The following HDX variants were observed in gnomAD, a reference collection of about 807,000 sequenced individuals.
The protein encoded by HDX is chromosome X open reading frame 43.
In HDX, 19 loss-of-function variants were observed where a neutral mutation model predicts 45.2. The ratio of observed to expected loss-of-function variants is 0.42; its 90% CI spans 0.29 to 0.62. The LOEUF is 0.62. Among genes scored for constraint, HDX ranks in the 20% least tolerant of loss-of-function variants. The probability of loss-of-function intolerance (pLI) is 0.20; values close to 1 mark genes in which losing one functional copy is unlikely to be tolerated. For synonymous variants in HDX, 188 were observed against 172.8 expected, an observed-to-expected ratio of 1.09 and a Z score of -0.69; for missense variants, 532 against 493.9, an observed-to-expected ratio of 1.08 and a Z score of -0.73.
chrX:84,419,576 AC>A (rs2039199895), intron 5 of HDX, among the ~76,000 whole-genome samples: 1 of 111,343 alleles, frequency 9.0e-6, no homozygotes, highest in African/African-American at 3.3e-5. Context: ...GCATCTTGAG[AC>A]CCAGGAAACC....
intron 5 of HDX, among the ~76,000 whole-genome samples, chrX:84,370,507 T>C (rs1221017266): frequency 8.9e-6 from 1 of 112,256 alleles, no homozygotes; most frequent in African/African-American, 3.2e-5. Flanking sequence ...AATAGGGGTC[T>C]GGGCAAGAGT....
chrX:84,440,936 A>G (rs1365020889), intron 4 of HDX, among the ~76,000 whole-genome samples: 6 of 111,167 alleles, frequency 5.4e-5, no homozygotes, highest in African/African-American at 1.6e-4. Context: ...TACAAGAAGT[A>G]TAGAATAGAG....
rs760412800 is a variant in HDX at position 84,469,050 on chromosome X, C to T, written c.673G>A (p.Val225Ile). ...VCHRPCKIEP[V>I]GIQRSYKPEH... ...GGCTTATATGACCTTTGAATCCCAACTGGTTCAATTTTACAAGGTCGGTGG... is the reference window on the plus strand; with the variant it reads ...GGCTTATATGACCTTTGAATCCCAATTGGTTCAATTTTACAAGGTCGGTGG... Residue 225 changes from valine to isoleucine, a missense_variant, in exon 4 of 11, where the codon GTT becomes ATT. Coordinates refer to ENST00000373177, the MANE Select transcript of HDX (RefSeq NM_001177479.2). The T allele has an allele frequency of 6.8e-5, 82 of 1,210,010 alleles. 1 individual carries two copies. The South Asian group carries it at 1.3e-3, about 19-fold the overall frequency.
chrX:84,474,280 G>A (rs935969515), intron 3 of HDX, among the ~76,000 whole-genome samples: 3 of 111,235 alleles, frequency 2.7e-5, no homozygotes, highest in Non-Finnish European at 3.8e-5. Flanking sequence ...CGACAAGAGC[G>A]AAACTCCGTT....
intron 4 of HDX, among the ~76,000 whole-genome samples, chrX:84,457,222 C>T (rs1429949036): frequency 9.0e-6 from 1 of 111,342 alleles, no homozygotes; most frequent in Non-Finnish European, 1.9e-5. Context: ...ATGCCATTAA[C>T]ATTTAACTTC....
At chrX:84,403,823 T>C (rs1202522868) in intron 5 of HDX, 2 of 112,047 alleles carry the variant, frequency 1.8e-5, no homozygotes, top group African/African-American at 6.5e-5. Flanking sequence ...TATATTAACC[T>C]TTCATAGAAG....
intron 5 of HDX, among the ~76,000 whole-genome samples, chrX:84,437,633 T>C (rs903307053): frequency 9.0e-6 from 1 of 110,823 alleles, no homozygotes; most frequent in Admixed American, 9.7e-5. Context: ...GGAGCTGATC[T>C]AGACCAGGCA....
intron 3 of HDX, among the ~76,000 whole-genome samples, chrX:84,471,244 A>AATAG (rs200160920): frequency 0.45 from 43,849 of 97,125 alleles, 8,294 homozygotes; most frequent in Middle Eastern, 0.5. Context: ...GTGTTCTCTC[A>AATAG]ATAGATAGAT....
chrX:84,468,468 T>C lies in HDX; in HGVS notation c.1251+4A>G, dbSNP rs1394448253. The C allele has an allele frequency of 9.1e-7, 1 of 1,103,705 alleles. No homozygotes were observed. Among genetic ancestry groups the C allele is most frequent in the Admixed American group, 2.7e-5 (1 of 36,542 alleles). 91.0% of individuals were successfully genotyped at this position (1,103,705 alleles called of 1,213,427 possible). ...AACCTTTATAAAATAAATTTACACA[T>C]TACCTGGTAATTGTTTTGGTTTTGT... On this transcript the variant is annotated splice_donor_region_variant and intron_variant, in intron 4 of 10. Transcript: ENST00000373177.
chrX:84,464,991 C>G (rs2040316279), intron 4 of HDX, among the ~76,000 whole-genome samples: 2 of 111,374 alleles, frequency 1.8e-5, no homozygotes, highest in African/African-American at 6.5e-5. Context: ...AAAAAACAAC[C>G]CCATCAAAAA....
At chrX:84,424,226 A>C (rs1454498951) in intron 5 of HDX, among the ~76,000 whole-genome samples, 1 of 111,684 alleles carries the variant, frequency 9.0e-6, no homozygotes, top group Non-Finnish European at 1.9e-5. Flanking sequence ...ATGGACACAA[A>C]TACACTTAAA....
intron 5 of HDX, among the ~76,000 whole-genome samples, chrX:84,438,149 G>C (rs1346694641): frequency 9.0e-6 from 1 of 110,768 alleles, no homozygotes; most frequent in Non-Finnish European, 1.9e-5. Context: ...TGTTAAGTGG[G>C]GGACCAAGAC....
chrX:84,458,225 G>T (rs936656606), intron 4 of HDX, among the ~76,000 whole-genome samples: 21 of 109,698 alleles, frequency 1.9e-4, no homozygotes, highest in African/African-American at 6.9e-4. Context: ...GGTCTTAAAG[G>T]CTAGATTAAA....
rs188346373 is a variant in HDX at position 84,340,716 on chromosome X, G to C, written c.1660+3534C>G. On this transcript the variant is annotated intron_variant, in intron 7 of 10. Transcript: ENST00000373177. Reference sequence around the variant, plus strand: ...GTAGGAAACTGTACCAAAAAGGGCTGTTTTCAGTATTTGAAAATGATTTTA... The same window carrying C: ...GTAGGAAACTGTACCAAAAAGGGCTCTTTTCAGTATTTGAAAATGATTTTA... Among the ~76,000 whole-genome samples, 289 of 110,986 alleles carry C rather than the reference G, an allele frequency of 2.6e-3. 2 individuals are homozygous for C. Among genetic ancestry groups the C allele is most frequent in the African/African-American group, 9.1e-3 (279 of 30,650 alleles).
At position 84,442,884 on chromosome X, in the gene HDX, T is replaced by A. The variant is rs1302034039; in HGVS notation, c.1252-2299A>T. On this transcript the variant is annotated intron_variant, in intron 4 of 10. Coordinates refer to ENST00000373177, the MANE Select transcript of HDX (RefSeq NM_001177479.2). ...AACCAGTAACTGCTAAAATATTACA[T>A]ATGAAATGATAAAGATGATACAACA... Among the ~76,000 whole-genome samples the A allele has an allele frequency of 1.2e-4, 13 of 111,514 alleles. No homozygotes were observed. The Admixed American group carries it at 1.2e-3, about 11-fold the overall frequency.
At chrX:84,427,690 T>C (rs766271279) in intron 5 of HDX, among the ~76,000 whole-genome samples, 7 of 111,384 alleles carry the variant, frequency 6.3e-5, no homozygotes, top group African/African-American at 1.9e-4. Context: ...GCACAATTTG[T>C]TCATTTACCT....
At position 84,402,377 on chromosome X, in the gene HDX, C is replaced by A. The variant is rs139095909; in HGVS notation, c.1305+38155G>T. On this transcript the variant is annotated intron_variant, in intron 5 of 10. Transcript: ENST00000373177. ...GTGTTATGTATTAAATATTATAGTA[C>A]CATATAGAATAGTTTGACTATCATA... Among the ~76,000 whole-genome samples the A allele has an allele frequency of 2.8e-3, 313 of 111,528 alleles. 14 individuals are homozygous for A. In the East Asian group the frequency reaches 0.072, roughly 26 times the overall value.
intron 5 of HDX, among the ~76,000 whole-genome samples, chrX:84,387,559 T>C (rs1050513303): frequency 4.5e-5 from 5 of 112,234 alleles, no homozygotes; most frequent in African/African-American, 1.6e-4. Context: ...TTGTGCCCTT[T>C]ATCAATATGT....
intron 5 of HDX, among the ~76,000 whole-genome samples, chrX:84,376,736 A>G (rs902717653): frequency 3.6e-5 from 4 of 112,300 alleles, no homozygotes; most frequent in African/African-American, 1.3e-4. Context: ...ACAATAGAAC[A>G]ACAGGTAAAT....
Sources: gnomAD v4.1 joint callset for allele counts (sites outside exome capture counted in the v4.1 genomes callset) on GRCh38, gnomAD v4.1.1 for gene constraint, MANE v1.5 for transcripts, NCBI Gene and HGNC (gene_info 2026-07-23, HGNC 2026-07-21) for gene names.